TMPRSS15: variants seen among roughly 807,000 people sequenced by gnomAD.
TMPRSS15 encodes enteropeptidase.
TMPRSS15 carries 128 observed loss-of-function variants against 125.3 expected under a neutral mutation model. The ratio of observed to expected loss-of-function variants is 1.02; its 90% CI spans 0.89 to 1.18. TMPRSS15 has a LOEUF of 1.18. TMPRSS15 is among the 50% of genes most tolerant of loss of function. The pLI, the probability that TMPRSS15 is intolerant of heterozygous loss-of-function variation, is 0.00. For missense variants in TMPRSS15, 1,283 were observed against 1,212.7 expected (o/e 1.06, Z -0.86); for synonymous variants, 446 against 423.2 (o/e 1.05, Z -0.66).
At chr21:18,313,531 C>T (rs991430959) in intron 17 of TMPRSS15, among the ~76,000 whole-genome samples, 1 of 151,304 alleles carries the variant, frequency 6.6e-6, no homozygotes, top group Non-Finnish European at 1.5e-5. Context: ...AAAAAAGAGA[C>T]ATTAAAGAGA....
rs1418573234 is a variant in TMPRSS15, at chr21:18,353,702, C to G, written c.1021+21G>C. 3 of 1,602,018 alleles carry G rather than the reference C, an allele frequency of 1.9e-6. No homozygotes were observed. The Admixed American group carries it at 5.1e-5, about 27-fold the overall frequency. ...TTAAAGCATCTAAAAATTAAAAAGC[C>G]AAAAAATAAATAATACTTACTATTA... On this transcript the variant is annotated intron_variant, in intron 9 of 24. Coordinates refer to ENST00000284885, the MANE Select transcript of TMPRSS15 (RefSeq NM_002772.3).
At chr21:18,458,979 GATA>G (rs1221331889) in intron 1 of TMPRSS15, among the ~76,000 whole-genome samples, 2 of 152,050 alleles carry the variant, frequency 1.3e-5, no homozygotes, top group Non-Finnish European at 2.9e-5. Context: ...TGATAGTAAA[GATA>G]CTCTCGTTAG....
intron 24 of TMPRSS15, among the ~76,000 whole-genome samples, chr21:18,273,327 C>T (rs948025824): frequency 1.1e-4 from 17 of 152,120 alleles, no homozygotes; most frequent in Non-Finnish European, 2.9e-5. Context: ...TCAGTAATAA[C>T]GTGTTCACAA....
At chr21:18,376,295 T>C (rs1190422683) in intron 5 of TMPRSS15, among the ~76,000 whole-genome samples, 2 of 152,122 alleles carry the variant, frequency 1.3e-5, no homozygotes, top group African/African-American at 4.8e-5. Context: ...CTTGATACCA[T>C]GTGAGTAGGA....
chr21:18,351,974 C>T (rs576396438), intron 10 of TMPRSS15, among the ~76,000 whole-genome samples: 4 of 152,112 alleles, frequency 2.6e-5, no homozygotes, highest in South Asian at 2.1e-4. Flanking sequence ...TTAGAGGTGG[C>T]TTTTAACGTT....
At chr21:18,356,592 G>C (rs1050308999) in intron 8 of TMPRSS15, among the ~76,000 whole-genome samples, 2 of 151,734 alleles carry the variant, frequency 1.3e-5, no homozygotes, top group Admixed American at 6.6e-5. Flanking sequence ...GCGAATCTTT[G>C]AGAATTTCTG....
chr21:18,482,356 G>A (rs954044895), intron 1 of TMPRSS15, among the ~76,000 whole-genome samples: 2 of 151,202 alleles, frequency 1.3e-5, no homozygotes, highest in African/African-American at 4.8e-5. Flanking sequence ...AAAATTATTA[G>A]TTTTCTTTAG....
chr21:18,291,107 A>G (rs7277468), intron 21 of TMPRSS15, among the ~76,000 whole-genome samples: 123,721 of 152,168 alleles, frequency 0.81, 50,429 homozygotes, highest in Non-Finnish European at 0.83. Context: ...CATGAATCGC[A>G]GTAGGCAAAA....
chr21:18,339,333 T>A (rs1601356176), intron 13 of TMPRSS15, among the ~76,000 whole-genome samples: 1 of 152,294 alleles, frequency 6.6e-6, no homozygotes. Context: ...AACTACTGTC[T>A]TCAACCTAAT....
At chr21:18,282,430 C>T (rs912196600) in intron 21 of TMPRSS15, among the ~76,000 whole-genome samples, 16 of 152,250 alleles carry the variant, frequency 1.1e-4, no homozygotes, top group South Asian at 6.2e-4. Context: ...TCTTAACAGT[C>T]GCAAATGCCT....
chr21:18,470,842 A>G (rs1300817426), intron 1 of TMPRSS15, among the ~76,000 whole-genome samples: 1 of 152,100 alleles, frequency 6.6e-6, no homozygotes, highest in East Asian at 1.9e-4. Flanking sequence ...CTTTAAATTT[A>G]TACAATGAAG....
chr21:18,393,631 A>G (rs564735721), intron 3 of TMPRSS15, among the ~76,000 whole-genome samples: 18 of 152,284 alleles, frequency 1.2e-4, no homozygotes, highest in African/African-American at 3.8e-4. Flanking sequence ...CCTGACATGT[A>G]ATGCCTAATA....
chr21:18,339,640 G>A (rs13050192), intron 13 of TMPRSS15, among the ~76,000 whole-genome samples: 7,787 of 152,178 alleles, frequency 0.051, 277 homozygotes, highest in Non-Finnish European at 0.073. Flanking sequence ...AAGCAAAGCC[G>A]TAGAGCTAAG....
Position 18,359,959 on chromosome 21 carries a change from A to C in TMPRSS15, c.774-96T>G, listed in dbSNP as rs949458767. The stretch of plus-strand genomic sequence containing the variant: ...TTGTATGTGTTTTCTTGTGGTGAAC[A>C]CCACATAATATGATATCTACTCTCT... On this transcript the variant is annotated intron_variant, in intron 7 of 24. Coordinates refer to ENST00000284885, the MANE Select transcript of TMPRSS15 (RefSeq NM_002772.3). 9 of 656,092 alleles carry C rather than the reference A, an allele frequency of 1.4e-5. No homozygotes were observed. The South Asian group carries it at 1.4e-4, about 10-fold the overall frequency. The allele number at this position is 656,092 out of a possible 1,614,324, so 40.6% of individuals were successfully genotyped here.
intron 13 of TMPRSS15, among the ~76,000 whole-genome samples, chr21:18,338,121 G>T (rs143150511): frequency 7.2e-4 from 110 of 151,994 alleles, no homozygotes; most frequent in African/African-American, 2.6e-3. Context: ...GACTATAAGG[G>T]TCATATAGAT....
chr21:18,384,058 G>T (rs969088758), intron 3 of TMPRSS15, among the ~76,000 whole-genome samples: 22 of 152,116 alleles, frequency 1.4e-4, no homozygotes, highest in Admixed American at 4.6e-4. Context: ...TCATCCCCAG[G>T]CCAGGATGTT....
At chr21:18,407,912 A>T (rs573103829), upstream of TMPRSS15, among the ~76,000 whole-genome samples, 1 of 152,278 alleles carries the variant, frequency 6.6e-6, no homozygotes, top group East Asian at 1.9e-4. Flanking sequence ...CTTAAAGAAA[A>T]TTTCAGTGAG....
At chr21:18,307,008 T>C (rs2075045976) in intron 18 of TMPRSS15, among the ~76,000 whole-genome samples, 1 of 152,176 alleles carries the variant, frequency 6.6e-6, no homozygotes, top group African/African-American at 2.4e-5. Flanking sequence ...GCATAAATAA[T>C]CTTGAGAGAC....
At chr21:18,452,202 C>T (rs1301017720) in intron 1 of TMPRSS15, among the ~76,000 whole-genome samples, 1 of 151,998 alleles carries the variant, frequency 6.6e-6, no homozygotes, top group East Asian at 1.9e-4. Context: ...ATATTTAAGG[C>T]ATACTCAAAA....
Sources: gnomAD v4.1 joint callset for allele counts (sites outside exome capture counted in the v4.1 genomes callset) on GRCh38, gnomAD v4.1.1 for gene constraint, MANE v1.5 for transcripts, NCBI Gene and HGNC (gene_info 2026-07-23, HGNC 2026-07-21) for gene names.